FLRT1: variants seen among roughly 807,000 people sequenced by gnomAD.
The protein encoded by FLRT1 is fibronectin leucine rich transmembrane protein 1, also known as leucine-rich repeat transmembrane protein FLRT1.
In FLRT1, 14 loss-of-function variants were observed where a neutral mutation model predicts 30.9. The observed-to-expected ratio is 0.45, with a 90% CI of 0.30 to 0.71. FLRT1 has a LOEUF of 0.71. Among genes scored for constraint, FLRT1 ranks in the 30% least tolerant of loss-of-function variants. The pLI is 0.08. For synonymous variants in FLRT1, 368 were observed against 430.4 expected (o/e 0.85, Z 1.80); for missense variants, 737 against 949.2 (o/e 0.78, Z 2.94).
chr11:64,070,720 A>G (rs1413019126), intron 1 of FLRT1, among the ~76,000 whole-genome samples: 7 of 152,232 alleles, frequency 4.6e-5, no homozygotes, highest in Non-Finnish European at 1.0e-4. Flanking sequence ...TAAAACAGCA[A>G]AACAGCTGCC....
In FLRT1 at chr11:64,067,785, C is replaced by A. The variant is rs1944032746; in HGVS notation, c.-1038+31626C>A. Among the ~76,000 whole-genome samples the A allele has an allele frequency of 6.6e-6, 1 of 152,128 alleles. No individual in the cohort carries two copies. The highest frequency in any genetic ancestry group is 1.5e-5 in the Non-Finnish European group (1 of 68,018). Reference sequence around the variant, plus strand: ...GGGTGGCCCCAGAGCTGTTTGTTTTCCCTGACTGAGGGGCGGCTGTGCCAC... The same window carrying A: ...GGGTGGCCCCAGAGCTGTTTGTTTTACCTGACTGAGGGGCGGCTGTGCCAC... On this transcript the variant is annotated intron_variant, in intron 1 of 2. Coordinates refer to ENST00000682287, the MANE Select transcript of FLRT1 (RefSeq NM_013280.5). This position sits in a 1 kb window ranked among gnomAD's most constrained non-coding sequence, Gnocchi z 4.6.
Position 64,117,799 on chromosome 11 carries a change from A to G in FLRT1, c.1532A>G (p.Glu511Gly). ...STYIICMVTM[E>G]TSNAYVADET... ...TACATCATCTGCATGGTCACCATGG[A>G]GACCAGCAATGCCTACGTAGCTGAT... The change falls in exon 3 of 3, where the codon GAG becomes GGG. Residue 511 changes from glutamate (E) to glycine (G), a missense_variant. Physicochemically the swap from Glu to Gly is moderately conservative, Grantham distance 98. Coordinates refer to ENST00000682287, the MANE Select transcript of FLRT1 (RefSeq NM_013280.5). 6.2e-7 allele frequency: 1 copy of G among 1,614,182 alleles called. No homozygotes were observed. Among genetic ancestry groups the G allele is most frequent in the Non-Finnish European group, 8.5e-7 (1 of 1,180,038 alleles).
intron 1 of FLRT1, among the ~76,000 whole-genome samples, chr11:64,100,594 G>A (rs143216833): frequency 1.0e-3 from 159 of 152,286 alleles, no homozygotes; most frequent in Non-Finnish European, 1.7e-3. Flanking sequence ...CCAGGCGCAC[G>A]CATTTACATA....
chr11:64,054,409 T>TGAG (rs1943747016), intron 1 of FLRT1, among the ~76,000 whole-genome samples: 1 of 152,230 alleles, frequency 6.6e-6, no homozygotes, highest in African/African-American at 2.4e-5. Flanking sequence ...CTTTGAGCTC[T>TGAG]TCTGCAAACA....
chr11:64,069,767 A>G (rs1335908054), intron 1 of FLRT1, among the ~76,000 whole-genome samples: 1 of 152,208 alleles, frequency 6.6e-6, no homozygotes, highest in Non-Finnish European at 1.5e-5. Flanking sequence ...CTTCGCCAGG[A>G]AACCTCCGCA....
At position 64,117,288 on chromosome 11, in the gene FLRT1, G is replaced by A. The variant is rs762577383; in HGVS notation, c.1021G>A (p.Asp341Asn). Residue 341 changes from aspartate (D) to asparagine (N), a missense_variant, in exon 3 of 3, where the codon GAC becomes AAC. Asp to Asn is a conservative substitution (Grantham distance 23). Transcript: ENST00000682287. ...FCGCNLMWLR[D>N]WVKARAAVVN... ...TGGCTGCAACCTCATGTGGCTGCGG[G>A]ACTGGGTGAAGGCACGGGCGGCCGT... 6.2e-6 allele frequency: 10 copies of A among 1,614,176 alleles called. No homozygotes were observed. The highest frequency in any genetic ancestry group is 8.5e-6 in the Non-Finnish European group (10 of 1,180,018).
Position 64,095,731 on chromosome 11 carries a change from G to A in FLRT1, c.-1037-7463G>A, listed in dbSNP as rs35741938. Among the ~76,000 whole-genome samples the A allele has an allele frequency of 7.6e-3, 1,161 of 152,344 alleles. 5 individuals are homozygous for A. Among genetic ancestry groups the A allele is most frequent in the Non-Finnish European group, 0.01 (697 of 68,032 alleles). On this transcript the variant is annotated intron_variant, in intron 1 of 2. Transcript: ENST00000682287. Reference sequence around the variant, plus strand: ...GGTTTCTAGATGCAGCAGGCGGAGGGAGGTGCTGCACACTGGACCCCCAGC... The same window carrying A: ...GGTTTCTAGATGCAGCAGGCGGAGGAAGGTGCTGCACACTGGACCCCCAGC...
intron 1 of FLRT1, among the ~76,000 whole-genome samples, chr11:64,058,727 C>G (rs1350536148): frequency 6.6e-6 from 1 of 152,266 alleles, no homozygotes; most frequent in African/African-American, 2.4e-5. Flanking sequence ...TGCCAATTAC[C>G]TCGCCTCCTG....
chr11:64,045,717 C>T (rs768728807), intron 1 of FLRT1, among the ~76,000 whole-genome samples: 16 of 152,352 alleles, frequency 1.1e-4, no homozygotes, highest in Admixed American at 3.9e-4. Context: ...GCATAAGCCA[C>T]TGTACCCCTG....
intron 1 of FLRT1, among the ~76,000 whole-genome samples, chr11:64,070,674 G>C (rs1002831961): frequency 3.3e-5 from 5 of 152,166 alleles, no homozygotes; most frequent in African/African-American, 9.7e-5. Flanking sequence ...CAGCTGATCG[G>C]GGCAGATTTA....
chr11:64,079,301 C>A (rs1473495691), intron 1 of FLRT1, among the ~76,000 whole-genome samples: 1 of 151,930 alleles, frequency 6.6e-6, no homozygotes, highest in Non-Finnish European at 1.5e-5. Context: ...GCTGCAGATG[C>A]CTCTGGGAAT....
At chr11:64,079,063 C>T (rs954219355) in intron 1 of FLRT1, among the ~76,000 whole-genome samples, 2 of 96,690 alleles carry the variant, frequency 2.1e-5, no homozygotes, top group African/African-American at 4.1e-5. Flanking sequence ...GCGGACAGAC[C>T]GGGGGCGGTG....
chr11:64,097,052 T>G (rs1944589477), intron 1 of FLRT1, among the ~76,000 whole-genome samples: 1 of 152,270 alleles, frequency 6.6e-6, no homozygotes, highest in Non-Finnish European at 1.5e-5. Context: ...GGCGCCTGCC[T>G]GCTCCTGTCT....
intron 1 of FLRT1, among the ~76,000 whole-genome samples, chr11:64,099,649 T>C (rs1481886885): frequency 6.7e-6 from 1 of 149,612 alleles, no homozygotes; most frequent in African/African-American, 2.5e-5. Context: ...GATAGGAGGA[T>C]GGATGGAGAG....
rs191233742 is a variant in FLRT1, at chr11:64,113,348, C to T, written c.-49-2871C>T. ...AATATAGTAGATGCTCAATAAAGCTCTGTTGGATGCATGATGGATGGATGG... is the reference window on the plus strand; with the variant it reads ...AATATAGTAGATGCTCAATAAAGCTTTGTTGGATGCATGATGGATGGATGG... On this transcript the variant is annotated intron_variant, in intron 2 of 2. Transcript: ENST00000682287. Among the ~76,000 whole-genome samples the T allele has an allele frequency of 7.2e-5, 11 of 152,278 alleles. No individual in the cohort carries two copies. In the East Asian group the frequency reaches 2.1e-3, roughly 29 times the overall value.
At chr11:64,062,719 C>T (rs1276318638) in intron 1 of FLRT1, among the ~76,000 whole-genome samples, 3 of 152,200 alleles carry the variant, frequency 2.0e-5, no homozygotes, top group East Asian at 3.8e-4. Context: ...CGTCCTGCCC[C>T]GCGCAGCCTG....
intron 1 of FLRT1, among the ~76,000 whole-genome samples, chr11:64,080,086 C>T (rs986265605): frequency 6.6e-6 from 1 of 152,216 alleles, no homozygotes; most frequent in Non-Finnish European, 1.5e-5. Flanking sequence ...CATCCCTGTT[C>T]ACTGCAACCT....
In FLRT1 at chr11:64,067,150, G is replaced by A. The variant is rs182136762; in HGVS notation, c.-1038+30991G>A. On this transcript the variant is annotated intron_variant, in intron 1 of 2. Transcript: ENST00000682287. The surrounding 1 kb of genome is among the most constrained non-coding windows in gnomAD (Gnocchi z 4.6). ...CAGGGCCAAGTAGGCAGGGCTGGTG[G>A]GGGTGGGAGGCCGGCCATACCCACC... Among the ~76,000 whole-genome samples the A allele has an allele frequency of 5.9e-5, 9 of 152,332 alleles. No homozygotes were observed. The highest frequency in any genetic ancestry group is 1.2e-4 in the Non-Finnish European group (8 of 68,032).
At chr11:64,100,680 A>G (rs556913976) in intron 1 of FLRT1, among the ~76,000 whole-genome samples, 275 of 152,294 alleles carry the variant, frequency 1.8e-3, no homozygotes, top group Middle Eastern at 3.4e-3. Context: ...CACACAAGGG[A>G]AGAGCCACAG....
Sources: allele counts gnomAD v4.1 joint callset (sites outside exome capture counted in the v4.1 genomes callset), GRCh38; gene constraint gnomAD v4.1.1; non-coding constraint Gnocchi (gnomAD v3.1); transcripts MANE v1.5; gene names NCBI Gene and HGNC (gene_info 2026-07-23, HGNC 2026-07-21).